Variants in LGALS8 observed in about 807,000 individuals in gnomAD.
LGALS8 encodes galectin-8.
LGALS8 carries 30 observed loss-of-function variants against 35.9 expected under a neutral mutation model. The observed-to-expected ratio is 0.83, with a 90% confidence interval of 0.62 to 1.13. The LOEUF is 1.13. Among genes scored for constraint, LGALS8 ranks in the 50% most tolerant of loss-of-function variants. LGALS8 has a pLI of 0.00. For missense variants in LGALS8, 366 were observed against 388.7 expected (o/e 0.94, Z 0.49); for synonymous variants, 138 against 136.1 (o/e 1.01, Z -0.10).
intron 6 of LGALS8, among the ~76,000 whole-genome samples, 154 bp downstream of exon 6, chr1:236,541,864 C>A (rs79344329): frequency 0.07 from 10,667 of 152,200 alleles, 779 homozygotes; most frequent in African/African-American, 0.19. Context: ...TGGTGCCAGG[C>A]ACGCAGTAAG....
intron 4 of LGALS8, 27 bp downstream of exon 4, chr1:236,539,116 G>A (rs1285333236): frequency 1.3e-6 from 2 of 1,576,380 alleles, no homozygotes; most frequent in Non-Finnish European, 8.7e-7. Context: ...GACAGGTTGA[G>A]TCCTCATTAG....
intron 3 of LGALS8, 81 bp downstream of exon 3, chr1:236,537,666 G>C: frequency 9.7e-7 from 1 of 1,028,246 alleles, no homozygotes; most frequent in Non-Finnish European, 1.5e-6. Context: ...TAAGGCGGGA[G>C]AGACCATTTG....
At position 236,526,159 on chromosome 1, in the gene LGALS8, G is replaced by A; in HGVS notation, c.45+44G>A. On this transcript the variant is annotated intron_variant, in intron 2 of 9. Coordinates refer to ENST00000366584, the MANE Select transcript of LGALS8 (RefSeq NM_201544.4). This position sits in a 1 kb window ranked among gnomAD's most constrained non-coding sequence, Gnocchi z 4.6. Reference sequence around the variant, plus strand: ...ATAACTTTTTACCTATGCCAGGACAGATCCAATAGAATATTAATTATCCAT... The same window carrying A: ...ATAACTTTTTACCTATGCCAGGACAAATCCAATAGAATATTAATTATCCAT... 7.5e-7 allele frequency: 1 copy of A among 1,337,280 alleles called. No individual in the cohort carries two copies. The highest frequency in any genetic ancestry group is 1.1e-6 in the Non-Finnish European group (1 of 933,306). 82.8% of individuals were successfully genotyped at this position (1,337,280 alleles called of 1,614,324 possible). A position where few individuals can be genotyped will look rare whatever the true frequency, so the allele number is the denominator to read the frequency against.
intron 2 of LGALS8, among the ~76,000 whole-genome samples, chr1:236,529,649 T>C (rs1471329654): frequency 8.2e-5 from 9 of 109,430 alleles, no homozygotes; most frequent in South Asian, 2.8e-4. Context: ...TTTCTTCTCT[T>C]TTTTTTTTTT....
At chr1:236,532,758 C>T (rs892203257) in intron 2 of LGALS8, among the ~76,000 whole-genome samples, 3 of 152,138 alleles carry the variant, frequency 2.0e-5, no homozygotes, top group East Asian at 1.9e-4. Context: ...GCAGGAGAAT[C>T]GCTTGAACCC....
chr1:236,527,401 G>A (rs558440559), intron 2 of LGALS8, among the ~76,000 whole-genome samples: 1 of 152,318 alleles, frequency 6.6e-6, no homozygotes, highest in African/African-American at 2.4e-5. Flanking sequence ...CTGCGCTAGA[G>A]CAGAAAATGC....
intron 2 of LGALS8, among the ~76,000 whole-genome samples, chr1:236,532,458 G>A (rs536496357): frequency 6.6e-6 from 1 of 152,262 alleles, no homozygotes; most frequent in East Asian, 1.9e-4. Context: ...GTGGTTCTGA[G>A]TCTCCAAGTC....
At chr1:236,520,028 C>T (rs1660508287), upstream of LGALS8, among the ~76,000 whole-genome samples, 2 of 144,638 alleles carry the variant, frequency 1.4e-5, no homozygotes. Flanking sequence ...ACAATCTCAG[C>T]TCACTGCAAC....
Position 236,550,792 on chromosome 1 carries a change from C to T in LGALS8, c.*2631C>T. The T allele has an allele frequency of 1.3e-6, 1 of 762,088 alleles. No homozygotes were observed. The highest frequency in any genetic ancestry group is 2.1e-6 in the Non-Finnish European group (1 of 468,522). The allele number at this position is 762,088 out of a possible 1,614,324, so 47.2% of individuals were successfully genotyped here. ...AGTGATAAAACATTTGTAAGTAATC[C>T]AAGTAGGTGTATTAAGGCACCAAAA... On this transcript the variant is annotated 3_prime_UTR_variant, in exon 10 of 10. Coordinates refer to ENST00000366584, the MANE Select transcript of LGALS8 (RefSeq NM_201544.4).
Position 236,544,820 on chromosome 1 carries a change from A to G in LGALS8, c.709A>G (p.Lys237Glu). Residue 237 changes from lysine (K) to glutamate (E), a missense_variant, in exon 9 of 10, where the codon AAA becomes GAA. By Grantham distance (56) the Lys-to-Glu change is moderately conservative. Transcript: ENST00000366584. ...ACACTTGAACCCACGCCTGAATATT[A>G]AAGCATTTGTAAGAAATTCTTTTCT... is the stretch of plus-strand genomic sequence containing the variant. ...ALHLNPRLNIKAFVRNSFLQE... is the reference protein window; with the variant it reads ...ALHLNPRLNIEAFVRNSFLQE... The G allele has an allele frequency of 6.2e-7, 1 of 1,613,904 alleles. No individual in the cohort carries two copies. The highest frequency in any genetic ancestry group is 8.5e-7 in the Non-Finnish European group (1 of 1,179,774).
chr1:236,552,005 T>A lies in LGALS8; in HGVS notation c.*3844T>A. 1 of 1,596,220 alleles carries A rather than the reference T, an allele frequency of 6.3e-7. No homozygotes were observed. The highest frequency in any genetic ancestry group is 8.6e-7 in the Non-Finnish European group (1 of 1,164,756). Reference sequence around the variant, plus strand: ...GGAATAGTTTGGGAATTACCTTCCATCAACTCTGCTAAGAAAGGAATGGAT... The same window carrying A: ...GGAATAGTTTGGGAATTACCTTCCAACAACTCTGCTAAGAAAGGAATGGAT... On this transcript the variant is annotated 3_prime_UTR_variant, in exon 10 of 10. Transcript: ENST00000366584.
At chr1:236,523,604 C>T (rs1660624563), upstream of LGALS8, 1 of 165,130 alleles carries the variant, frequency 6.1e-6, no homozygotes, top group Admixed American at 5.7e-5. Context: ...CCTCCTAGAC[C>T]TGGAGGCCTG....
intron 2 of LGALS8, among the ~76,000 whole-genome samples, chr1:236,531,084 T>A (rs1390140829): frequency 2.6e-5 from 4 of 152,348 alleles, no homozygotes; most frequent in African/African-American, 7.2e-5. Flanking sequence ...TTTGGAAATG[T>A]CATTTTATTT....
chr1:236,533,497 G>A (rs2103079365), intron 2 of LGALS8, among the ~76,000 whole-genome samples: 1 of 152,160 alleles, frequency 6.6e-6, no homozygotes, highest in Admixed American at 6.5e-5. Flanking sequence ...ACCATGCCCG[G>A]CTAATTTTGT....
chr1:236,544,933 G>C lies in LGALS8; in HGVS notation c.804+18G>C. 6.3e-7 allele frequency: 1 copy of C among 1,581,808 alleles called. No individual in the cohort carries two copies. Among genetic ancestry groups the C allele is most frequent in the South Asian group, 1.2e-5 (1 of 86,766 alleles). On this transcript the variant is annotated intron_variant, in intron 9 of 9. Coordinates refer to ENST00000366584, the MANE Select transcript of LGALS8 (RefSeq NM_201544.4). ...ACTTTGAGGTGAGGTTACAGTTTTT[G>C]AAAATGGGACAGCAATAAGAATCCT... is the stretch of plus-strand genomic sequence containing the variant.
chr1:236,544,283 G>A (rs1460354713), intron 8 of LGALS8, among the ~76,000 whole-genome samples: 1 of 152,178 alleles, frequency 6.6e-6, no homozygotes, highest in Non-Finnish European at 1.5e-5. Context: ...CTCTTGTCAT[G>A]TGATTTAGAA....
intron 4 of LGALS8, 67 bp downstream of exon 4, chr1:236,539,156 C>A: frequency 8.1e-7 from 1 of 1,239,192 alleles, no homozygotes; most frequent in Non-Finnish European, 1.2e-6. Flanking sequence ...GTGCTTTTCA[C>A]ATTTGTGAGC....
upstream of LGALS8, among the ~76,000 whole-genome samples, chr1:236,521,594 G>A (rs1660551593): frequency 2.0e-5 from 3 of 152,142 alleles, no homozygotes; most frequent in South Asian, 4.1e-4. Flanking sequence ...ACAGGAGGCC[G>A]AGGCGGGCGG....
intron 2 of LGALS8, chr1:236,536,301 C>G (rs1453182327): frequency 1.3e-5 from 2 of 152,206 alleles, no homozygotes; most frequent in Non-Finnish European, 2.9e-5. Flanking sequence ...GGCTGTACAT[C>G]CTGGTCAGAT....
Sources: gnomAD v4.1 joint callset for allele counts (sites outside exome capture counted in the v4.1 genomes callset) on GRCh38, gnomAD v4.1.1 for gene constraint, Gnocchi (gnomAD v3.1) non-coding constraint, MANE v1.5 for transcripts, NCBI Gene and HGNC (gene_info 2026-07-23, HGNC 2026-07-21) for gene names.